Variants in VPS13A observed in about 807,000 individuals in gnomAD.
The protein encoded by VPS13A is vacuolar protein sorting 13 homolog A, also known as intermembrane lipid transfer protein VPS13A.
Under a neutral mutation model 390.9 loss-of-function variants are expected in VPS13A, and 264 were observed. The observed-to-expected ratio is 0.68, with a 90% CI of 0.61 to 0.75. The LOEUF is 0.75. Ranked by LOEUF, VPS13A falls within the 30% of genes least tolerant of loss-of-function variation. The probability of loss-of-function intolerance (pLI) is 0.00; values close to 1 mark genes in which losing one functional copy is unlikely to be tolerated. For synonymous variants in VPS13A, 1,231 were observed against 1,227.1 expected, an observed-to-expected ratio of 1.00 and a Z score of -0.07; for missense variants, 3,409 against 3,733.9, an observed-to-expected ratio of 0.91 and a Z score of 2.27.
rs1414303177 is a variant in VPS13A at position 77,337,105 on chromosome 9, CT to C, written c.6096-148del. ...AGCCACCGCGCCTGGCCTTATCTAT[CT>C]TACTTATATCGTAAAAAGTATATGA... On this transcript the variant is annotated intron_variant, in intron 46 of 71. Transcript: ENST00000360280. 15 of 885,396 alleles carry C rather than the reference CT, an allele frequency of 1.7e-5. No homozygotes were observed. In the African/African-American group the frequency reaches 2.4e-4, roughly 14 times the overall value. 54.8% of individuals were successfully genotyped at this position (885,396 alleles called of 1,614,324 possible).
chr9:77,202,371 A>G lies in VPS13A; in HGVS notation c.187+964A>G, dbSNP rs751398658. Among the ~76,000 whole-genome samples the G allele has an allele frequency of 7.9e-5, 12 of 152,232 alleles. No homozygotes were observed. In the South Asian group the frequency reaches 2.3e-3, roughly 29 times the overall value. ...GATTATTTACATGTGTACATTTTAA[A>G]TACTTACAAGTTTATATGTATTGAA... On this transcript the variant is annotated intron_variant, in intron 3 of 71. Coordinates refer to ENST00000360280, the MANE Select transcript of VPS13A (RefSeq NM_033305.3).
At chr9:77,380,400 C>G in intron 67 of VPS13A, among the ~76,000 whole-genome samples, 1 of 152,090 alleles carries the variant, frequency 6.6e-6, no homozygotes. Flanking sequence ...GCAACCTCCA[C>G]CTCCCAGGTT....
intron 23 of VPS13A, 69 bp downstream of exon 23, chr9:77,260,293 A>C (rs537310220): frequency 7.2e-6 from 11 of 1,536,078 alleles, no homozygotes; most frequent in Non-Finnish European, 8.9e-6. Context: ...TCAAACAATC[A>C]CAGGAATTTT....
chr9:77,390,651 C>T (rs1196035469), intron 68 of VPS13A, among the ~76,000 whole-genome samples: 6 of 117,082 alleles, frequency 5.1e-5, no homozygotes, highest in Non-Finnish European at 1.0e-4. Flanking sequence ...CCCCCCACCC[C>T]GTCCCTCTCT....
chr9:77,245,406 T>C (rs1227018218), intron 19 of VPS13A, among the ~76,000 whole-genome samples: 1 of 152,226 alleles, frequency 6.6e-6, no homozygotes, highest in African/African-American at 2.4e-5. Flanking sequence ...GGATGCTTCT[T>C]GTTACTTTAG....
chr9:77,210,654 C>T lies in VPS13A; in HGVS notation c.534C>T (p.Ser178=), dbSNP rs760037642. Reference sequence around the variant, plus strand: ...ACAAACCGCTGTCATTTGGTATTTCCCTTCAAAATCTGAGCATGCAGGTAT... The same window carrying T: ...ACAAACCGCTGTCATTTGGTATTTCTCTTCAAAATCTGAGCATGCAGGTAT... ...NRDKPLSFGI[S]LQNLSMQTTD... is the part of the protein sequence containing the mutation. Residue 178 remains serine, a synonymous_variant, in exon 7 of 72, where the codon TCC becomes TCT. Coordinates refer to ENST00000360280, the MANE Select transcript of VPS13A (RefSeq NM_033305.3). The T allele has an allele frequency of 4.3e-6, 7 of 1,613,670 alleles. No individual in the cohort carries two copies. The South Asian group carries it at 7.7e-5, about 18-fold the overall frequency.
At chr9:77,246,937 A>G (rs1373975789) in intron 19 of VPS13A, among the ~76,000 whole-genome samples, 1 of 152,080 alleles carries the variant, frequency 6.6e-6, no homozygotes, top group African/African-American at 2.4e-5. Context: ...TGTAGATTCT[A>G]AGAGTTGTTG....
intron 3 of VPS13A, among the ~76,000 whole-genome samples, chr9:77,201,839 G>GA (rs1350207156): frequency 6.6e-6 from 1 of 152,114 alleles, no homozygotes; most frequent in Admixed American, 6.5e-5. Context: ...TATGGTTTCA[G>GA]AAAATACTGT....
At chr9:77,389,150 A>G (rs560144960) in intron 68 of VPS13A, among the ~76,000 whole-genome samples, 1 of 152,268 alleles carries the variant, frequency 6.6e-6, no homozygotes, top group Non-Finnish European at 1.5e-5. Context: ...TCACCTGGTT[A>G]TGACTCAAAA....
chr9:77,247,512 A>T (rs1824887391), intron 20 of VPS13A, 117 bp downstream of exon 20: 1 of 1,117,820 alleles, frequency 8.9e-7, no homozygotes, highest in Non-Finnish European at 1.3e-6. Flanking sequence ...TTTGTGGTAG[A>T]TAAGTAAGAT....
chr9:77,220,131 G>A (rs988624048), intron 11 of VPS13A, 50 bp downstream of exon 11: 4 of 1,560,976 alleles, frequency 2.6e-6, no homozygotes, highest in South Asian at 1.1e-5. Flanking sequence ...TTTGATAAAA[G>A]CAAAACTAAG....
Position 77,416,105 on chromosome 9 carries a change from AGTACCCT to A in VPS13A, c.*103_*109del. On this transcript the variant is annotated 3_prime_UTR_variant, in exon 72 of 72. Coordinates refer to ENST00000360280, the MANE Select transcript of VPS13A (RefSeq NM_033305.3). ...GAAGCATATTACAGAAATGATTTCA[AGTACCCT>A]GTATTCTGGATGCTAAAAAACAAAA... 7.1e-7 allele frequency: 1 copy of A among 1,399,872 alleles called. No homozygotes were observed. The highest frequency in any genetic ancestry group is 1.0e-6 in the Non-Finnish European group (1 of 990,786). The allele number at this position is 1,399,872 out of a possible 1,614,324, so 86.7% of individuals were successfully genotyped here. A position where few individuals can be genotyped will look rare whatever the true frequency, so the allele number is the denominator to read the frequency against.
At chr9:77,232,460 G>C (rs1019487935) in intron 17 of VPS13A, among the ~76,000 whole-genome samples, 1 of 152,136 alleles carries the variant, frequency 6.6e-6, no homozygotes, top group Non-Finnish European at 1.5e-5. Flanking sequence ...AGTTTCAGAA[G>C]GATTGTTATT....
chr9:77,309,815 CACAT>C (rs1383215298), intron 35 of VPS13A, among the ~76,000 whole-genome samples: 3 of 151,136 alleles, frequency 2.0e-5, no homozygotes, highest in African/African-American at 7.3e-5. Context: ...ACTAAGATTC[CACAT>C]ACAAACACAT....
At chr9:77,188,733 A>G (rs1824494648) in intron 1 of VPS13A, among the ~76,000 whole-genome samples, 1 of 152,188 alleles carries the variant, frequency 6.6e-6, no homozygotes, top group Non-Finnish European at 1.5e-5. Context: ...ACTAATTTAC[A>G]TTCCCACCAG....
chr9:77,377,465 C>T (rs182103313), intron 67 of VPS13A, among the ~76,000 whole-genome samples: 255 of 152,128 alleles, frequency 1.7e-3, no homozygotes, highest in Admixed American at 5.9e-3. Context: ...ATGATCCACC[C>T]GCCTCGGCCT....
chr9:77,236,170 C>G (rs1393799891), intron 17 of VPS13A, among the ~76,000 whole-genome samples: 3 of 152,028 alleles, frequency 2.0e-5, no homozygotes, highest in African/African-American at 7.3e-5. Flanking sequence ...GGGACATAAC[C>G]CCATTATAAG....
chr9:77,302,626 G>C (rs996418928), intron 33 of VPS13A, among the ~76,000 whole-genome samples: 28 of 151,988 alleles, frequency 1.8e-4, no homozygotes, highest in Non-Finnish European at 3.2e-4. Context: ...GCCCGCCTCA[G>C]CCTCTCAAAA....
At chr9:77,199,882 C>A in intron 1 of VPS13A, 63 bp from the exon 2 acceptor site, 1 of 1,341,992 alleles carries the variant, frequency 7.5e-7, no homozygotes. Context: ...ATGAAGCATA[C>A]ATATTAACTT....
Sources: gnomAD v4.1 joint callset for allele counts (sites outside exome capture counted in the v4.1 genomes callset) on GRCh38, gnomAD v4.1.1 for gene constraint, MANE v1.5 for transcripts, NCBI Gene and HGNC (gene_info 2026-07-23, HGNC 2026-07-21) for gene names.